The following CNTNAP2 variants were observed in gnomAD, a reference collection of about 807,000 sequenced individuals.
CNTNAP2 encodes contactin associated protein 2.
CNTNAP2 carries 98 observed loss-of-function variants against 155.2 expected under a neutral mutation model. The observed-to-expected ratio is 0.63, with a 90% CI of 0.54 to 0.75. The LOEUF is 0.75. Ranked by LOEUF, CNTNAP2 falls within the 30% of genes least tolerant of loss-of-function variation. The pLI, the probability that CNTNAP2 is intolerant of heterozygous loss-of-function variation, is 0.00. For synonymous variants in CNTNAP2, 651 were observed against 631.2 expected (o/e 1.03, Z -0.47); for missense variants, 1,727 against 1,688.1 (o/e 1.02, Z -0.40).
intron 1 of CNTNAP2, among the ~76,000 whole-genome samples, chr7:146,163,507 C>A (rs1172840629): frequency 6.9e-5 from 3 of 43,706 alleles, no homozygotes; most frequent in Non-Finnish European, 1.3e-4. Context: ...ATCTATATAT[C>A]TATATATATC....
chr7:147,299,471 T>C (rs1277806951), intron 8 of CNTNAP2, among the ~76,000 whole-genome samples: 2 of 152,050 alleles, frequency 1.3e-5, no homozygotes, highest in Middle Eastern at 3.4e-3. Flanking sequence ...ATTATAAAGA[T>C]AACTTATTTG....
At chr7:147,456,509 T>C (rs1797920495) in intron 10 of CNTNAP2, among the ~76,000 whole-genome samples, 3 of 152,198 alleles carry the variant, frequency 2.0e-5, no homozygotes, top group African/African-American at 7.2e-5. Flanking sequence ...TAATAGTTTT[T>C]CAATTTTTTT....
intron 2 of CNTNAP2, among the ~76,000 whole-genome samples, chr7:146,830,161 T>C (rs775104682): frequency 6.6e-6 from 1 of 152,108 alleles, no homozygotes; most frequent in Non-Finnish European, 1.5e-5. Flanking sequence ...AGCTAGTACA[T>C]TTTGAGTCCT....
Position 148,253,524 on chromosome 7 carries a change from C to T in CNTNAP2, c.3382-13509C>T, listed in dbSNP as rs938839643. On this transcript the variant is annotated intron_variant, in intron 20 of 23. Transcript: ENST00000361727. ...TTGAGCCCAGCTGGGAACATCTGCACGTCATCAGCTGGACTCCAGTCCCAG... is the reference window on the plus strand; with the variant it reads ...TTGAGCCCAGCTGGGAACATCTGCATGTCATCAGCTGGACTCCAGTCCCAG... Among the ~76,000 whole-genome samples the T allele has an allele frequency of 7.2e-5, 11 of 152,222 alleles. No homozygotes were observed. The South Asian group carries it at 1.9e-3, about 26-fold the overall frequency.
intron 2 of CNTNAP2, among the ~76,000 whole-genome samples, chr7:146,784,252 C>T (rs992461519): frequency 5.3e-5 from 8 of 152,150 alleles, no homozygotes; most frequent in Admixed American, 1.3e-4. Context: ...ACTGGCTTAA[C>T]ATCAATGCTA....
At chr7:146,788,013 C>T (rs542191719) in intron 2 of CNTNAP2, among the ~76,000 whole-genome samples, 4 of 152,320 alleles carry the variant, frequency 2.6e-5, no homozygotes, top group Admixed American at 2.0e-4. Flanking sequence ...TTTAACTAGA[C>T]GGAAAAGTTC....
At chr7:147,715,681 C>T (rs1262239572) in intron 13 of CNTNAP2, among the ~76,000 whole-genome samples, 1 of 151,304 alleles carries the variant, frequency 6.6e-6, no homozygotes. Flanking sequence ...TTACAGAATA[C>T]TTTTTTTTTA....
In CNTNAP2 at chr7:148,383,880, TG is replaced by T. The variant is rs730880275; in HGVS notation, c.3709del (p.Asp1237IlefsTer17). The T allele has an allele frequency of 1.1e-5, 18 of 1,613,566 alleles. No homozygotes were observed. The highest frequency in any genetic ancestry group is 1.7e-6 in the Non-Finnish European group (2 of 1,179,934). On this transcript the variant is annotated frameshift_variant, in exon 22 of 24. Coordinates refer to ENST00000361727, the MANE Select transcript of CNTNAP2 (RefSeq NM_014141.6). LOFTEE classifies it high-confidence loss of function. ...SATDPWHLDHLDSASADFPYN... is the reference protein window; with the variant it reads ...SATDPWHLDHXDSASADFPYN... The stretch of plus-strand genomic sequence containing the variant: ...ACCGACCCCTGGCACCTGGATCACC[TG>T]GATTCAGGTAAAGTCTTCAGCAACC...
intron 1 of CNTNAP2, among the ~76,000 whole-genome samples, chr7:146,515,902 T>C (rs894714196): frequency 6.6e-6 from 1 of 152,068 alleles, no homozygotes; most frequent in African/African-American, 2.4e-5. Context: ...TTAATCATTA[T>C]AGATTCCTAT....
At chr7:148,245,438 G>A (rs1240860523) in intron 20 of CNTNAP2, among the ~76,000 whole-genome samples, 1 of 152,214 alleles carries the variant, frequency 6.6e-6, no homozygotes, top group South Asian at 2.1e-4. Context: ...TGTGGAGGAG[G>A]ATGAAGGGGA....
At chr7:148,354,020 T>A (rs1798471209) in intron 21 of CNTNAP2, among the ~76,000 whole-genome samples, 2 of 152,186 alleles carry the variant, frequency 1.3e-5, no homozygotes, top group South Asian at 4.1e-4. Context: ...GGAAATTAAC[T>A]TTTAACCCTA....
intron 1 of CNTNAP2, among the ~76,000 whole-genome samples, chr7:146,456,166 T>C (rs1796551764): frequency 1.3e-5 from 2 of 152,214 alleles, no homozygotes; most frequent in African/African-American, 4.8e-5. Flanking sequence ...AGATTAAATG[T>C]GAATTTTTGG....
At chr7:147,920,504 A>G (rs921034542) in intron 14 of CNTNAP2, among the ~76,000 whole-genome samples, 1 of 152,134 alleles carries the variant, frequency 6.6e-6, no homozygotes, top group African/African-American at 2.4e-5. Context: ...AACCAGCTCT[A>G]CCAGTGAAGG....
intron 16 of CNTNAP2, among the ~76,000 whole-genome samples, chr7:148,130,189 A>G (rs779480789): frequency 6.6e-6 from 1 of 152,250 alleles, no homozygotes; most frequent in Non-Finnish European, 1.5e-5. Context: ...TGTCCTATTT[A>G]AAGTTTTACT....
chr7:146,419,092 A>G (rs1258763720), intron 1 of CNTNAP2, among the ~76,000 whole-genome samples: 1 of 152,060 alleles, frequency 6.6e-6, no homozygotes, highest in Non-Finnish European at 1.5e-5. Context: ...TGATTTTTTT[A>G]TAAAGAAAAA....
chr7:148,001,556 A>G (rs1801897883), intron 15 of CNTNAP2, among the ~76,000 whole-genome samples: 1 of 152,222 alleles, frequency 6.6e-6, no homozygotes, highest in Non-Finnish European at 1.5e-5. Flanking sequence ...GTTGTCAATC[A>G]CAGAATGACA....
chr7:147,304,270 A>G (rs545097023), intron 9 of CNTNAP2, among the ~76,000 whole-genome samples: 122 of 152,248 alleles, frequency 8.0e-4, no homozygotes, highest in Non-Finnish European at 1.5e-3. Context: ...ATGTTTCTTC[A>G]GTAAAGTGTG....
At chr7:147,189,260 A>G (rs1424779987) in intron 8 of CNTNAP2, among the ~76,000 whole-genome samples, 2 of 152,210 alleles carry the variant, frequency 1.3e-5, no homozygotes, top group Admixed American at 6.5e-5. Context: ...CATAAATGCA[A>G]ATAATCATCT....
At chr7:146,808,828 T>G (rs1803013570) in intron 2 of CNTNAP2, among the ~76,000 whole-genome samples, 1 of 152,220 alleles carries the variant, frequency 6.6e-6, no homozygotes. Context: ...CAAGCTTATA[T>G]TCATAAAATG....
Sources: gnomAD v4.1 joint callset for allele counts (sites outside exome capture counted in the v4.1 genomes callset) on GRCh38, gnomAD v4.1.1 for gene constraint, MANE v1.5 for transcripts, NCBI Gene and HGNC (gene_info 2026-07-23, HGNC 2026-07-21) for gene names.